Variants in PID1 observed in about 807,000 individuals in gnomAD.
PID1 encodes the protein PTB-containing, cubilin and LRP1-interacting protein.
PID1 carries 10 observed loss-of-function variants against 19.1 expected under a neutral mutation model. The observed-to-expected ratio is 0.52, with a 90% CI of 0.32 to 0.89. PID1 has a LOEUF of 0.89. PID1 is among the 40% of genes least tolerant of loss of function. The probability of loss-of-function intolerance (pLI) is 0.03; values close to 1 mark genes in which losing one functional copy is unlikely to be tolerated. For missense variants in PID1, 248 were observed against 285.3 expected, an observed-to-expected ratio of 0.87 and a Z score of 0.94; for synonymous variants, 130 against 116.0, an observed-to-expected ratio of 1.12 and a Z score of -0.78.
Position 229,145,494 on chromosome 2 carries a change from T to A in PID1, c.177+10324A>T, listed in dbSNP as rs1036621968. ...TTTTTCTAGATAAATAAACCATAAA[T>A]TCAGATAATAATTAAACTAAATTTT... On this transcript the variant is annotated intron_variant, in intron 2 of 2. Coordinates refer to ENST00000392055, the MANE Select transcript of PID1 (RefSeq NM_001100818.2). Among the ~76,000 whole-genome samples, 13 of 152,076 alleles carry A rather than the reference T, an allele frequency of 8.5e-5. No homozygotes were observed. The East Asian group carries it at 1.4e-3, about 16-fold the overall frequency.
At chr2:229,106,636 A>G (rs985432533) in intron 2 of PID1, among the ~76,000 whole-genome samples, 5 of 152,262 alleles carry the variant, frequency 3.3e-5, no homozygotes, top group African/African-American at 9.6e-5. Context: ...GGCGCCATCT[A>G]TGAAGCAGAC....
intron 1 of PID1, among the ~76,000 whole-genome samples, chr2:229,160,184 G>A (rs1434780302): frequency 1.3e-5 from 2 of 152,280 alleles, no homozygotes; most frequent in East Asian, 3.9e-4. Context: ...AGGAGGTTGA[G>A]ACAACCACAC....
intron 2 of PID1, among the ~76,000 whole-genome samples, chr2:229,093,280 T>A (rs992949617): frequency 6.6e-6 from 1 of 151,946 alleles, no homozygotes; most frequent in Non-Finnish European, 1.5e-5. Flanking sequence ...CATGCCACCA[T>A]GCCCAGCTAA....
At chr2:229,153,766 A>G (rs551089065) in intron 2 of PID1, among the ~76,000 whole-genome samples, 3 of 152,238 alleles carry the variant, frequency 2.0e-5, no homozygotes, top group East Asian at 1.9e-4. Context: ...TAATATCTAC[A>G]TTAGATTGTT....
intron 1 of PID1, among the ~76,000 whole-genome samples, chr2:229,159,903 G>T (rs1163143304): frequency 6.6e-6 from 1 of 152,066 alleles, no homozygotes; most frequent in Admixed American, 6.5e-5. Context: ...TGCCAACAGG[G>T]GACAGTGGTC....
At chr2:229,225,546 T>C (rs571340969) in intron 1 of PID1, among the ~76,000 whole-genome samples, 2 of 152,256 alleles carry the variant, frequency 1.3e-5, no homozygotes, top group South Asian at 4.1e-4. Context: ...CCCAGGGACA[T>C]AGCTCCTCTT....
intron 2 of PID1, among the ~76,000 whole-genome samples, chr2:229,136,659 A>G (rs1351139202): frequency 1.3e-5 from 2 of 152,218 alleles, no homozygotes; most frequent in Non-Finnish European, 2.9e-5. Flanking sequence ...TCAATTAAGG[A>G]ACGGCACTTT....
At chr2:229,042,883 G>C (rs927634856) in intron 2 of PID1, among the ~76,000 whole-genome samples, 1 of 151,614 alleles carries the variant, frequency 6.6e-6, no homozygotes, top group Non-Finnish European at 1.5e-5. Context: ...CTCCATATTA[G>C]AGTTATTACA....
intron 2 of PID1, among the ~76,000 whole-genome samples, chr2:229,137,202 T>C (rs1689873732): frequency 6.6e-6 from 1 of 152,198 alleles, no homozygotes. Flanking sequence ...TCCTCATAAA[T>C]AGCTGCTCTG....
intron 1 of PID1, among the ~76,000 whole-genome samples, chr2:229,157,116 G>C (rs536970342): frequency 6.6e-6 from 1 of 152,080 alleles, no homozygotes; most frequent in Non-Finnish European, 1.5e-5. Flanking sequence ...CCTGTGCTTA[G>C]GAGGGCCTCA....
Position 229,139,064 on chromosome 2 carries a change from AAAG to A in PID1, c.177+16751_177+16753del, listed in dbSNP as rs1160370944. ...GAGAAAGAAAGAAAGAAAGAGAAAG[AAAG>A]AAAGAAAGAAAGAAAGAAAGAAAGA... On this transcript the variant is annotated intron_variant, in intron 2 of 2. Coordinates refer to ENST00000392055, the MANE Select transcript of PID1 (RefSeq NM_001100818.2). Among the ~76,000 whole-genome samples the A allele has an allele frequency of 2.3e-4, 12 of 52,122 alleles. No individual in the cohort carries two copies. The East Asian group carries it at 3.0e-3, about 13-fold the overall frequency. The allele number at this position is 52,122 out of a possible 152,430, so 34.2% of individuals were successfully genotyped here.
chr2:229,040,607 G>T (rs1213848758), intron 2 of PID1, among the ~76,000 whole-genome samples: 1 of 152,030 alleles, frequency 6.6e-6, no homozygotes, highest in Non-Finnish European at 1.5e-5. Flanking sequence ...GAGAAACAGG[G>T]AGAAAATATT....
intron 2 of PID1, among the ~76,000 whole-genome samples, chr2:229,127,661 C>T (rs1298116723): frequency 2.6e-5 from 4 of 152,138 alleles, no homozygotes; most frequent in East Asian, 3.9e-4. Context: ...GTGGCATCCC[C>T]GGCCTCCACC....
chr2:229,242,973 A>C (rs528898920), intron 1 of PID1, among the ~76,000 whole-genome samples: 2 of 152,138 alleles, frequency 1.3e-5, no homozygotes, highest in Non-Finnish European at 2.9e-5. Context: ...TTCTCTACCT[A>C]CCAAATGCCT....
chr2:229,033,589 T>C (rs1206256762), intron 2 of PID1, among the ~76,000 whole-genome samples: 4 of 152,048 alleles, frequency 2.6e-5, no homozygotes. Flanking sequence ...AGATGATGGG[T>C]TGATGGGTGC....
intron 2 of PID1, among the ~76,000 whole-genome samples, chr2:229,028,534 TA>T (rs1242224113): frequency 1.3e-5 from 2 of 152,146 alleles, no homozygotes. Context: ...ATATATGTAA[TA>T]AGTAATTAAT....
rs548029560 is a variant in PID1 at position 229,051,341 on chromosome 2, C to A, written c.178-25233G>T. Among the ~76,000 whole-genome samples the A allele has an allele frequency of 3.6e-4, 55 of 152,176 alleles. 1 individual carries two copies. Among genetic ancestry groups the A allele is most frequent in the Admixed American group, 2.3e-3 (35 of 15,298 alleles). On this transcript the variant is annotated intron_variant, in intron 2 of 2. Transcript: ENST00000392055. ...ATTATCATGTGAATTATGGTCTTTTCTATTTTAATTTTTTGAGACAGGGTC... is the reference window on the plus strand; with the variant it reads ...ATTATCATGTGAATTATGGTCTTTTATATTTTAATTTTTTGAGACAGGGTC...
chr2:229,189,959 C>T (rs1167833201), intron 1 of PID1, among the ~76,000 whole-genome samples: 4 of 152,128 alleles, frequency 2.6e-5, no homozygotes, highest in African/African-American at 9.7e-5. Flanking sequence ...TTGCTAATAT[C>T]GGTATCAGTG....
At chr2:229,229,998 C>T (rs1648082971) in intron 1 of PID1, among the ~76,000 whole-genome samples, 1 of 152,160 alleles carries the variant, frequency 6.6e-6, no homozygotes, top group African/African-American at 2.4e-5. Flanking sequence ...CATATTAAGA[C>T]TATTACAAAG....
Sources: allele counts gnomAD v4.1 joint callset (sites outside exome capture counted in the v4.1 genomes callset), GRCh38; gene constraint gnomAD v4.1.1; transcripts MANE v1.5; gene names NCBI Gene and HGNC (gene_info 2026-07-23, HGNC 2026-07-21).